Variants in KDM4B observed in about 807,000 individuals in gnomAD.
KDM4B encodes the protein lysine-specific demethylase 4B.
KDM4B carries 32 observed loss-of-function variants against 125.2 expected under a neutral mutation model. That is an observed-to-expected ratio of 0.26 (90% CI 0.19 to 0.34). The LOEUF (loss-of-function observed/expected upper bound fraction) is 0.34, where lower values mean the gene tolerates loss of function less well. Ranked by LOEUF, KDM4B falls within the 10% of genes least tolerant of loss-of-function variation. The pLI, the probability that KDM4B is intolerant of heterozygous loss-of-function variation, is 1.00. For synonymous variants in KDM4B, 721 were observed against 677.9 expected (o/e 1.06, Z -0.99); for missense variants, 1,190 against 1,577.7 (o/e 0.75, Z 4.16).
Position 5,124,682 on chromosome 19 carries a change from A to G in KDM4B, c.1315+4830A>G, listed in dbSNP as rs542850101. On this transcript the variant is annotated intron_variant, in intron 11 of 22. Transcript: ENST00000159111. ...CGCAATCTCAGCTCATGCAACCTCT[A>G]CCTCCCAGGTTCAAACGATTCTCCT... 5.6e-4 allele frequency among the ~76,000 whole-genome samples: 85 copies of G among 151,852 alleles called. 2 individuals carry two copies. The South Asian group carries it at 0.016, about 28-fold the overall frequency.
At chr19:5,127,464 T>C (rs2039468816) in intron 11 of KDM4B, among the ~76,000 whole-genome samples, 1 of 152,154 alleles carries the variant, frequency 6.6e-6, no homozygotes, top group Non-Finnish European at 1.5e-5. Flanking sequence ...GGCTGGAAAC[T>C]TGTTCTTGTG....
chr19:5,148,891 T>C (rs901929869), intron 21 of KDM4B, among the ~76,000 whole-genome samples: 1 of 152,076 alleles, frequency 6.6e-6, no homozygotes, highest in African/African-American at 2.4e-5. Context: ...GGGCAGAGGG[T>C]GGCACCCATG....
chr19:5,042,331 C>T (rs1237423040), intron 5 of KDM4B, among the ~76,000 whole-genome samples: 2 of 152,014 alleles, frequency 1.3e-5, no homozygotes, highest in African/African-American at 4.8e-5. Context: ...CAAAACCTGT[C>T]TCTACTAAAA....
intron 9 of KDM4B, among the ~76,000 whole-genome samples, chr19:5,087,717 A>G (rs557782699): frequency 1.1e-4 from 17 of 151,978 alleles, no homozygotes; most frequent in African/African-American, 2.4e-5. Context: ...ACTTTTTCCC[A>G]ACTTAAGGCG....
intron 21 of KDM4B, among the ~76,000 whole-genome samples, chr19:5,149,173 G>A (rs970775336): frequency 3.3e-5 from 5 of 152,238 alleles, no homozygotes; most frequent in Non-Finnish European, 7.3e-5. Flanking sequence ...TGCTCCCTTG[G>A]AGAGGGAGGT....
chr19:5,066,882 G>A (rs1359277426), intron 6 of KDM4B, among the ~76,000 whole-genome samples: 2 of 152,218 alleles, frequency 1.3e-5, no homozygotes, highest in African/African-American at 4.8e-5. Flanking sequence ...TTGAGAACAC[G>A]GAGATGGAGA....
At position 5,151,418 on chromosome 19, in the gene KDM4B, G is replaced by C; in HGVS notation, c.3198G>C (p.Pro1066=). 1 of 1,574,534 alleles carries C rather than the reference G, an allele frequency of 6.4e-7. No individual in the cohort carries two copies. Among genetic ancestry groups the C allele is most frequent in the Non-Finnish European group, 8.6e-7 (1 of 1,163,038 alleles). ...KAAKRPRVGT[P]LATEDSGRSQ... ...CCAAGCGCCCGCGTGTGGGCACCCC[G>C]CTTGCCACGGAGGACTCCGGGCGGA... Residue 1066 remains proline (P), a synonymous_variant, in exon 23 of 23, where the codon CCG becomes CCC. Coordinates refer to ENST00000159111, the MANE Select transcript of KDM4B (RefSeq NM_015015.3).
intron 1 of KDM4B, among the ~76,000 whole-genome samples, chr19:4,976,524 C>G (rs891988376): frequency 7.2e-5 from 11 of 152,178 alleles, no homozygotes; most frequent in African/African-American, 2.4e-4. Flanking sequence ...TGTGACCTGG[C>G]AGGAACTGAG....
chr19:5,040,040 C>A (rs1157538229), intron 4 of KDM4B, 29 bp downstream of exon 4: 1 of 1,582,954 alleles, frequency 6.3e-7, no homozygotes, highest in East Asian at 2.3e-5. Context: ...GCGGACCTGA[C>A]CCCCGCCCCC....
chr19:5,068,692 G>A (rs1472791889), intron 6 of KDM4B, among the ~76,000 whole-genome samples: 1 of 152,256 alleles, frequency 6.6e-6, no homozygotes, highest in Non-Finnish European at 1.5e-5. Context: ...GGCACTGGCG[G>A]TGGCGGAGCC....
chr19:4,998,065 G>T (rs528266694), intron 1 of KDM4B, among the ~76,000 whole-genome samples: 1 of 152,364 alleles, frequency 6.6e-6, no homozygotes, highest in Non-Finnish European at 1.5e-5. Context: ...TGTCTGCCAG[G>T]GGTTGCCTCC....
intron 1 of KDM4B, among the ~76,000 whole-genome samples, chr19:4,973,749 G>A (rs1156966266): frequency 2.0e-5 from 3 of 151,878 alleles, no homozygotes; most frequent in Admixed American, 6.6e-5. Context: ...CTGTTGGGGC[G>A]GGGAACATGG....
intron 18 of KDM4B, chr19:5,140,745 A>C (rs2039726957): frequency 7.2e-6 from 1 of 139,756 alleles, no homozygotes; most frequent in Non-Finnish European, 1.6e-5. Flanking sequence ...AAAAAAAAAA[A>C]GATGAGGAGA....
intron 1 of KDM4B, among the ~76,000 whole-genome samples, chr19:5,013,445 G>A (rs1243554334): frequency 6.6e-6 from 1 of 152,190 alleles, no homozygotes; most frequent in Non-Finnish European, 1.5e-5. Context: ...GCTGAAAACA[G>A]CACCCGTTCA....
At chr19:5,102,153 C>T (rs2038948862) in intron 9 of KDM4B, among the ~76,000 whole-genome samples, 2 of 152,164 alleles carry the variant, frequency 1.3e-5, no homozygotes, top group Admixed American at 6.5e-5. Flanking sequence ...GGGAATGGCT[C>T]CCTGGTGGCC....
intron 5 of KDM4B, among the ~76,000 whole-genome samples, chr19:5,044,928 C>T (rs2036976245): frequency 1.3e-5 from 2 of 152,124 alleles, no homozygotes; most frequent in East Asian, 3.8e-4. Flanking sequence ...GGCTTGAGAG[C>T]TCATTTCTTT....
At chr19:5,143,503 C>T (rs2039781923) in intron 18 of KDM4B, among the ~76,000 whole-genome samples, 1 of 152,132 alleles carries the variant, frequency 6.6e-6, no homozygotes, top group African/African-American at 2.4e-5. Context: ...GAGCCCACTT[C>T]CTGTGTCTGG....
chr19:5,011,216 C>T (rs566169532), intron 1 of KDM4B, among the ~76,000 whole-genome samples: 18 of 152,330 alleles, frequency 1.2e-4, no homozygotes, highest in Middle Eastern at 3.4e-3. Context: ...CTCCCTGGTT[C>T]CTCACAGTGG....
In KDM4B at chr19:5,121,413, T is replaced by A. The variant is rs143037588; in HGVS notation, c.1315+1561T>A. 1.4e-3 allele frequency among the ~76,000 whole-genome samples: 220 copies of A among 152,098 alleles called. 1 individual carries two copies. Among genetic ancestry groups the A allele is most frequent in the South Asian group, 4.8e-3 (23 of 4,822 alleles). ...GAAAAGCACAGCTGTCGTGGCACTGTTATTATGTAGCGACAATTCTCTACT... is the reference window on the plus strand; with the variant it reads ...GAAAAGCACAGCTGTCGTGGCACTGATATTATGTAGCGACAATTCTCTACT... On this transcript the variant is annotated intron_variant, in intron 11 of 22. Coordinates refer to ENST00000159111, the MANE Select transcript of KDM4B (RefSeq NM_015015.3).
Sources: gnomAD v4.1 joint callset for allele counts (sites outside exome capture counted in the v4.1 genomes callset) on GRCh38, gnomAD v4.1.1 for gene constraint, MANE v1.5 for transcripts, NCBI Gene and HGNC (gene_info 2026-07-23, HGNC 2026-07-21) for gene names.